The following DNAH9 variants were observed in gnomAD, a reference collection of about 807,000 sequenced individuals.
The protein encoded by DNAH9 is dynein axonemal heavy chain 9.
DNAH9 carries 345 observed loss-of-function variants against 471.6 expected under a neutral mutation model. The observed-to-expected ratio is 0.73, with a 90% confidence interval of 0.67 to 0.80. The LOEUF is 0.80. Ranked by LOEUF, DNAH9 falls within the 30% of genes least tolerant of loss-of-function variation. The probability of loss-of-function intolerance (pLI) is 0.00; values close to 1 mark genes in which losing one functional copy is unlikely to be tolerated. For missense variants in DNAH9, 5,407 were observed against 5,609.2 expected (o/e 0.96, Z 1.15); for synonymous variants, 2,093 against 2,123.6 (o/e 0.99, Z 0.40).
At chr17:11,811,317 T>TA (rs1208867924) in intron 45 of DNAH9, among the ~76,000 whole-genome samples, 229 of 140,950 alleles carry the variant, frequency 1.6e-3, no homozygotes, top group South Asian at 3.2e-3. Flanking sequence ...CGTCTCAATT[T>TA]AAAAAAAAAA....
At chr17:11,673,212 G>T (rs943079872) in intron 17 of DNAH9, among the ~76,000 whole-genome samples, 1 of 152,096 alleles carries the variant, frequency 6.6e-6, no homozygotes, top group Non-Finnish European at 1.5e-5. Flanking sequence ...TATTTTCTCT[G>T]CCTTTATGAC....
chr17:11,605,542 A>G (rs11658796), intron 1 of DNAH9, among the ~76,000 whole-genome samples: 53,645 of 151,886 alleles, frequency 0.35, 10,498 homozygotes, highest in South Asian at 0.61. Flanking sequence ...TCTGTTGCCC[A>G]GGCTGGAGTA....
At chr17:11,799,892 T>A (rs1366148128) in intron 43 of DNAH9, among the ~76,000 whole-genome samples, 10 of 152,126 alleles carry the variant, frequency 6.6e-5, no homozygotes, top group Admixed American at 6.5e-4. Context: ...GCCCCCACTA[T>A]CTTCTTACTC....
In DNAH9 at chr17:11,669,395, T is replaced by A; in HGVS notation, c.2954T>A (p.Leu985Ter). 6.2e-7 allele frequency: 1 copy of A among 1,613,370 alleles called. No homozygotes were observed. The highest frequency in any genetic ancestry group is 8.5e-7 in the Non-Finnish European group (1 of 1,179,576). ...GTCGACCTGGACGGTATACCAGATT[T>A]GGCAAACATGCGGCGCACACTCATG... is the stretch of plus-strand genomic sequence containing the variant. Reference protein sequence around the residue: ...YQVDLDGIPDLANMRRTLMER... With the variant: ...YQVDLDGIPD Residue 985 changes from leucine (L) to a stop codon, truncating the protein, a stop_gained, in exon 17 of 69, where the codon TTG becomes TAG. Transcript: ENST00000262442. LOFTEE classifies it high-confidence loss of function.
At chr17:11,680,698 G>T in intron 18 of DNAH9, 25 bp from the exon 19 acceptor site, 1 of 1,611,578 alleles carries the variant, frequency 6.2e-7, no homozygotes, top group South Asian at 1.1e-5. Context: ...TTGGGAATCT[G>T]ACCACACTGA....
intron 20 of DNAH9, among the ~76,000 whole-genome samples, chr17:11,693,087 G>A (rs1005582167): frequency 2.2e-4 from 10 of 46,196 alleles, no homozygotes; most frequent in African/African-American, 8.3e-4. Flanking sequence ...TTTTTTTTTT[G>A]TATCTTTAGT....
intron 68 of DNAH9, among the ~76,000 whole-genome samples, chr17:11,963,667 TA>T (rs397857321): frequency 2.0e-5 from 3 of 151,392 alleles, no homozygotes; most frequent in African/African-American, 7.3e-5. Flanking sequence ...AAATTTTTTT[TA>T]AAAAAAAGAA....
intron 46 of DNAH9, 74 bp from the exon 47 acceptor site, chr17:11,822,364 C>G: frequency 6.4e-7 from 1 of 1,552,748 alleles, no homozygotes; most frequent in South Asian, 1.2e-5. Context: ...CTAGAGAACC[C>G]AAGGCCATAT....
At position 11,606,242 on chromosome 17, in the gene DNAH9, C is replaced by T. The variant is rs114954836; in HGVS notation, c.418-1887C>T. Among the ~76,000 whole-genome samples, 1,302 of 152,140 alleles carry T rather than the reference C, an allele frequency of 8.6e-3. 24 individuals are homozygous for T. The highest frequency in any genetic ancestry group is 0.029 in the African/African-American group (1,191 of 41,502). Reference sequence around the variant, plus strand: ...TGCTGGGTCCAGGTATTCTATTTCACGGCCACTGGGGCTTATTGATCATAA... The same window carrying T: ...TGCTGGGTCCAGGTATTCTATTTCATGGCCACTGGGGCTTATTGATCATAA... On this transcript the variant is annotated intron_variant, in intron 1 of 68. Transcript: ENST00000262442.
intron 45 of DNAH9, among the ~76,000 whole-genome samples, chr17:11,821,007 C>T (rs769125209): frequency 3.3e-5 from 5 of 152,060 alleles, no homozygotes; most frequent in African/African-American, 4.8e-5. Context: ...TCTGGCCAGG[C>T]GCAGTGGCTC....
At chr17:11,705,331 T>A in intron 26 of DNAH9, 146 bp downstream of exon 26, 1 of 658,606 alleles carries the variant, frequency 1.5e-6, no homozygotes, top group African/African-American at 1.8e-5. Flanking sequence ...CTGTTTAAAG[T>A]GAAACTGAAA....
intron 27 of DNAH9, among the ~76,000 whole-genome samples, chr17:11,724,546 G>A (rs932403000): frequency 6.6e-6 from 1 of 152,206 alleles, no homozygotes; most frequent in Admixed American, 6.5e-5. Context: ...TGCTTTGTGT[G>A]TATATACTAC....
intron 67 of DNAH9, among the ~76,000 whole-genome samples, chr17:11,951,292 T>C (rs1975352799): frequency 6.6e-6 from 1 of 152,174 alleles, no homozygotes; most frequent in South Asian, 2.1e-4. Flanking sequence ...TTGAAGTGAG[T>C]CATGACTTTT....
chr17:11,699,016 C>T (rs1369840550), intron 22 of DNAH9, among the ~76,000 whole-genome samples: 2 of 152,004 alleles, frequency 1.3e-5, no homozygotes, highest in East Asian at 3.9e-4. Flanking sequence ...TTTGGGAGGC[C>T]AAGGGGGGCG....
At chr17:11,847,944 G>A (rs543420899) in intron 49 of DNAH9, among the ~76,000 whole-genome samples, 2 of 152,132 alleles carry the variant, frequency 1.3e-5, no homozygotes, top group East Asian at 1.9e-4. Flanking sequence ...GTTACAGCTC[G>A]TGTAGGGCTC....
At chr17:11,817,476 T>C (rs1045777629) in intron 45 of DNAH9, among the ~76,000 whole-genome samples, 2 of 152,160 alleles carry the variant, frequency 1.3e-5, no homozygotes, top group African/African-American at 2.4e-5. Context: ...TGTCAGGAAG[T>C]AAACATTTTA....
chr17:11,789,300 A>G (rs1968981534), intron 41 of DNAH9, among the ~76,000 whole-genome samples: 1 of 152,062 alleles, frequency 6.6e-6, no homozygotes, highest in African/African-American at 2.4e-5. Context: ...TAAATGTTGG[A>G]AGAATTTACT....
intron 13 of DNAH9, among the ~76,000 whole-genome samples, chr17:11,652,501 G>T (rs948063112): frequency 7.9e-5 from 12 of 151,966 alleles, no homozygotes; most frequent in Non-Finnish European, 1.2e-4. Flanking sequence ...TAGCCAGGAT[G>T]GTCTCGATCT....
At chr17:11,604,090 T>C (rs1319263106) in intron 1 of DNAH9, among the ~76,000 whole-genome samples, 1 of 151,720 alleles carries the variant, frequency 6.6e-6, no homozygotes. Context: ...TGGCATGATC[T>C]CCGCTTGCTG....
Sources: allele counts gnomAD v4.1 joint callset (sites outside exome capture counted in the v4.1 genomes callset), GRCh38; gene constraint gnomAD v4.1.1; transcripts MANE v1.5; gene names NCBI Gene and HGNC (gene_info 2026-07-23, HGNC 2026-07-21).